Variants in TRAM2 observed in about 807,000 individuals in gnomAD.
The protein encoded by TRAM2 is translocation associated membrane protein 2.
Under a neutral mutation model 51.0 loss-of-function variants are expected in TRAM2, and 12 were observed. The ratio of observed to expected loss-of-function variants is 0.24; its 90% CI spans 0.15 to 0.38. The LOEUF is 0.38. TRAM2 is among the 10% of genes least tolerant of loss of function. The pLI is 1.00. For synonymous variants in TRAM2, 175 were observed against 179.4 expected (o/e 0.98, Z 0.20); for missense variants, 361 against 462.0 (o/e 0.78, Z 2.00).
intron 2 of TRAM2, among the ~76,000 whole-genome samples, chr6:52,517,994 CCTATT>C (rs1374970118): frequency 6.6e-6 from 1 of 152,136 alleles, no homozygotes; most frequent in Non-Finnish European, 1.5e-5. Flanking sequence ...TCCACAAAGA[CCTATT>C]CTGTGAGAGG....
chr6:52,507,474 G>A lies in TRAM2; in HGVS notation c.626+79C>T, dbSNP rs1370160729. On this transcript the variant is annotated intron_variant, in intron 7 of 10. Coordinates refer to ENST00000182527, the MANE Select transcript of TRAM2 (RefSeq NM_012288.4). ...ACACAGAGGATGTCAACAAATGCCTGATAATTATATGAGTGTGTGGACAGA... is the reference window on the plus strand; with the variant it reads ...ACACAGAGGATGTCAACAAATGCCTAATAATTATATGAGTGTGTGGACAGA... The A allele has an allele frequency of 2.1e-6, 3 of 1,441,284 alleles. No homozygotes were observed. The East Asian group carries it at 6.9e-5, about 33-fold the overall frequency. The allele number at this position is 1,441,284 out of a possible 1,614,324, so 89.3% of individuals were successfully genotyped here.
At chr6:52,536,242 C>A (rs1275490168) in intron 1 of TRAM2, among the ~76,000 whole-genome samples, 1 of 152,226 alleles carries the variant, frequency 6.6e-6, no homozygotes, top group African/African-American at 2.4e-5. Context: ...AGGTTAGGAC[C>A]TAGCTGAGGT....
chr6:52,522,169 C>T (rs936140107), intron 2 of TRAM2, among the ~76,000 whole-genome samples: 1 of 152,258 alleles, frequency 6.6e-6, no homozygotes. Context: ...GAGATATCCA[C>T]TGACCTTTTA....
chr6:52,541,886 G>C (rs1767089724), intron 1 of TRAM2, among the ~76,000 whole-genome samples: 1 of 148,844 alleles, frequency 6.7e-6, no homozygotes, highest in Non-Finnish European at 1.5e-5. Flanking sequence ...GGGGCAGACA[G>C]GGTACAGAAG....
At chr6:52,561,973 G>A (rs1336126657) in intron 1 of TRAM2, among the ~76,000 whole-genome samples, 1 of 152,000 alleles carries the variant, frequency 6.6e-6, no homozygotes, top group African/African-American at 2.4e-5. Context: ...TGTAAAGCAT[G>A]GTGAATACAC....
intron 5 of TRAM2, 93 bp from the exon 6 acceptor site, chr6:52,508,411 A>T: frequency 1.6e-6 from 2 of 1,236,230 alleles, no homozygotes. Context: ...ATGGGCTGAG[A>T]CTCTGCCTGT....
At chr6:52,512,729 T>C (rs1361085886) in intron 4 of TRAM2, among the ~76,000 whole-genome samples, 1 of 152,222 alleles carries the variant, frequency 6.6e-6, no homozygotes, top group Non-Finnish European at 1.5e-5. Context: ...GCCTTCCTTT[T>C]GGTGTGTGAA....
intron 2 of TRAM2, among the ~76,000 whole-genome samples, chr6:52,526,416 GT>G (rs1035540023): frequency 2.6e-5 from 4 of 151,636 alleles, no homozygotes; most frequent in African/African-American, 9.7e-5. Context: ...TTTTGTTTTT[GT>G]TTTTTTTGGC....
chr6:52,503,801 T>C (rs959809109), intron 10 of TRAM2, among the ~76,000 whole-genome samples: 8 of 152,136 alleles, frequency 5.3e-5, no homozygotes, highest in African/African-American at 1.9e-4. Flanking sequence ...TTGTGCTCTA[T>C]TGTTCAAAAT....
intron 1 of TRAM2, among the ~76,000 whole-genome samples, chr6:52,565,349 A>G (rs1767572053): frequency 1.3e-5 from 2 of 152,162 alleles, no homozygotes; most frequent in Non-Finnish European, 2.9e-5. Flanking sequence ...GCAATTCAGG[A>G]GGTAAAACCA....
At chr6:52,549,564 C>T (rs1767272753) in intron 1 of TRAM2, among the ~76,000 whole-genome samples, 1 of 152,168 alleles carries the variant, frequency 6.6e-6, no homozygotes, top group South Asian at 2.1e-4. Context: ...CAAGCTCCTG[C>T]ATGTGAAACA....
intron 1 of TRAM2, among the ~76,000 whole-genome samples, chr6:52,540,310 T>C (rs563721350): frequency 6.6e-6 from 1 of 151,574 alleles, no homozygotes; most frequent in African/African-American, 2.4e-5. Flanking sequence ...ATACTGCACA[T>C]AGAATAGAAT....
At chr6:52,567,267 C>T (rs553904460) in intron 1 of TRAM2, among the ~76,000 whole-genome samples, 7 of 152,316 alleles carry the variant, frequency 4.6e-5, no homozygotes, top group African/African-American at 1.7e-4. Flanking sequence ...GTTGTCATGC[C>T]TGAAGTTATC....
rs1766218980 is a variant in TRAM2 at position 52,501,372 on chromosome 6, G to A, written c.*1825C>T. ...TTATCTATGATGTAAGTGACTTGGAGAAGGGGAGTTGCCTTGATGAAAAGA... is the reference window on the plus strand; with the variant it reads ...TTATCTATGATGTAAGTGACTTGGAAAAGGGGAGTTGCCTTGATGAAAAGA... On this transcript the variant is annotated 3_prime_UTR_variant, in exon 11 of 11. Coordinates refer to ENST00000182527, the MANE Select transcript of TRAM2 (RefSeq NM_012288.4). The A allele has an allele frequency of 6.6e-6, 1 of 152,120 alleles. No individual in the cohort carries two copies. The highest frequency in any genetic ancestry group is 1.5e-5 in the Non-Finnish European group (1 of 68,014). The allele number at this position is 152,120 out of a possible 1,614,324, so 9.4% of individuals were successfully genotyped here.
chr6:52,542,101 C>G (rs1396039596), intron 1 of TRAM2, among the ~76,000 whole-genome samples: 1 of 152,140 alleles, frequency 6.6e-6, no homozygotes, highest in Non-Finnish European at 1.5e-5. Flanking sequence ...AACTTCCCTT[C>G]TTCTCCCAGC....
intron 1 of TRAM2, among the ~76,000 whole-genome samples, chr6:52,562,891 C>A (rs1028563502): frequency 2.0e-5 from 3 of 152,242 alleles, no homozygotes; most frequent in Non-Finnish European, 2.9e-5. Flanking sequence ...CATACATTTT[C>A]ATGGGTATAC....
chr6:52,506,862 T>C (rs1303861610), intron 7 of TRAM2, among the ~76,000 whole-genome samples: 3 of 152,184 alleles, frequency 2.0e-5, no homozygotes, highest in Admixed American at 2.0e-4. Flanking sequence ...TGCAAGGACC[T>C]AGTCCAACGC....
rs559040319 is a variant in TRAM2 at position 52,535,446 on chromosome 6, G to A, written c.184+337C>T. On this transcript the variant is annotated intron_variant, in intron 2 of 10. Coordinates refer to ENST00000182527, the MANE Select transcript of TRAM2 (RefSeq NM_012288.4). Reference sequence around the variant, plus strand: ...GCCTGTAATCCCAGCACTTTGGGAGGCCAAGGCAGGTAGATCACGAGGTCA... The same window carrying A: ...GCCTGTAATCCCAGCACTTTGGGAGACCAAGGCAGGTAGATCACGAGGTCA... Among the ~76,000 whole-genome samples the A allele has an allele frequency of 2.6e-5, 4 of 152,340 alleles. No homozygotes were observed. In the South Asian group the frequency reaches 8.3e-4, roughly 32 times the overall value.
In TRAM2 at chr6:52,568,984, GAGATC is replaced by G. The variant is rs761149569; in HGVS notation, c.120+7807_120+7811del. ...CTCCACCAACCCAAAAAAGACATTA[GAGATC>G]ATGTTTGGGTTTGATGTTTAAAGTC... On this transcript the variant is annotated intron_variant, in intron 1 of 10. Coordinates refer to ENST00000182527, the MANE Select transcript of TRAM2 (RefSeq NM_012288.4). Among the ~76,000 whole-genome samples the G allele has an allele frequency of 1.8e-3, 268 of 152,294 alleles. 1 individual carries two copies. Among genetic ancestry groups the G allele is most frequent in the Middle Eastern group, 0.01 (3 of 294 alleles).
Sources: allele counts gnomAD v4.1 joint callset (sites outside exome capture counted in the v4.1 genomes callset), GRCh38; gene constraint gnomAD v4.1.1; transcripts MANE v1.5; gene names NCBI Gene and HGNC (gene_info 2026-07-23, HGNC 2026-07-21).